The following IL16 variants were observed in gnomAD, a reference collection of about 807,000 sequenced individuals.
IL16 encodes the protein pro-interleukin-16.
IL16 carries 67 observed loss-of-function variants against 110.1 expected under a neutral mutation model. The ratio of observed to expected loss-of-function variants is 0.61; its 90% CI spans 0.50 to 0.75. The LOEUF (loss-of-function observed/expected upper bound fraction) is 0.75. IL16 is among the 30% of genes least tolerant of loss of function. The probability of loss-of-function intolerance (pLI) is 0.00; values close to 1 mark genes in which losing one functional copy is unlikely to be tolerated. For missense variants in IL16, 1,545 were observed against 1,655.0 expected, an observed-to-expected ratio of 0.93 and a Z score of 1.15; for synonymous variants, 689 against 662.9, an observed-to-expected ratio of 1.04 and a Z score of -0.61.
In IL16 at chr15:81,185,055, T is replaced by C. The variant is rs543292217; in HGVS notation, c.40+2159T>C. ...TGTCAGCAAGGAGGGGCTGGGCCTG[T>C]GGGAAGCAGAGGGAGGCTCTGCATA... On this transcript the variant is annotated intron_variant, in intron 1 of 18. Transcript: ENST00000302987. 5.3e-5 allele frequency among the ~76,000 whole-genome samples: 8 copies of C among 152,146 alleles called. No individual in the cohort carries two copies. In the South Asian group the frequency reaches 1.5e-3, roughly 28 times the overall value.
At chr15:81,280,153 A>G (rs1899108955) in intron 8 of IL16, among the ~76,000 whole-genome samples, 1 of 152,186 alleles carries the variant, frequency 6.6e-6, no homozygotes, top group Non-Finnish European at 1.5e-5. Flanking sequence ...CCTGTGGCAG[A>G]GAATTGAGGT....
intron 2 of IL16, among the ~76,000 whole-genome samples, chr15:81,234,776 C>A (rs1015361009): frequency 6.6e-6 from 1 of 150,540 alleles, no homozygotes; most frequent in African/African-American, 2.5e-5. Flanking sequence ...TGAAAGTACA[C>A]ATGAGATCTA....
intron 2 of IL16, among the ~76,000 whole-genome samples, chr15:81,237,197 G>T (rs1897204021): frequency 6.6e-6 from 1 of 152,094 alleles, no homozygotes; most frequent in Non-Finnish European, 1.5e-5. Flanking sequence ...CAGCTTCAGT[G>T]GAGCATCCGC....
chr15:81,190,855 T>C (rs1014922295), intron 1 of IL16, among the ~76,000 whole-genome samples: 2 of 152,188 alleles, frequency 1.3e-5, no homozygotes, highest in African/African-American at 2.4e-5. Flanking sequence ...AAGGGTACAG[T>C]GCTTCAGAAG....
At position 81,310,220 on chromosome 15, in the gene IL16, C is replaced by G. The variant is rs2141658300; in HGVS notation, c.*1422C>G. On this transcript the variant is annotated 3_prime_UTR_variant, in exon 19 of 19. Coordinates refer to ENST00000683961, the MANE Select transcript of IL16 (RefSeq NM_172217.5). ...AGATGAAACACAAACAATAGTAATT[C>G]TCAGGCCATCATCAGTGGAGCCATG... The G allele has an allele frequency of 6.6e-6, 1 of 152,358 alleles. No individual in the cohort carries two copies. The highest frequency in any genetic ancestry group is 2.1e-4 in the South Asian group (1 of 4,832). 9.4% of individuals were successfully genotyped at this position (152,358 alleles called of 1,614,324 possible).
At chr15:81,290,411 A>G (rs750986539) in intron 10 of IL16, 42 bp from the exon 11 acceptor site, 2 of 1,442,414 alleles carry the variant, frequency 1.4e-6, no homozygotes, top group South Asian at 2.4e-5. Flanking sequence ...CTGATGCAGG[A>G]GCTTCTACTG....
intron 2 of IL16, among the ~76,000 whole-genome samples, chr15:81,229,733 C>G (rs1332393108): frequency 6.6e-6 from 1 of 152,160 alleles, no homozygotes; most frequent in Non-Finnish European, 1.5e-5. Flanking sequence ...TCTCCCTTCT[C>G]ACAGGGACAC....
rs116140196 is a variant in IL16, at chr15:81,217,945, G to A, written c.-101-7354G>A. 8.8e-3 allele frequency among the ~76,000 whole-genome samples: 1,338 copies of A among 152,116 alleles called. 25 individuals are homozygous for A. Among genetic ancestry groups the A allele is most frequent in the African/African-American group, 0.031 (1,271 of 41,508 alleles). On this transcript the variant is annotated intron_variant, in intron 1 of 18. Coordinates refer to ENST00000683961, the MANE Select transcript of IL16 (RefSeq NM_172217.5). ...TTCTACATACTAGAAAACACTGCAG[G>A]AATTTCCATTAATGTCTGGAAAGAG...
chr15:81,280,253 A>G (rs2142295399), intron 8 of IL16, among the ~76,000 whole-genome samples: 1 of 152,244 alleles, frequency 6.6e-6, no homozygotes, highest in South Asian at 2.1e-4. Flanking sequence ...CCTGAATGCA[A>G]CCGAACTGAG....
chr15:81,278,325 T>C lies in IL16; in HGVS notation c.791-492T>C, dbSNP rs1043166892. ...AGGGTGACAAGTGCAGTAGGTACAG[T>C]GTGACATGAACATAGAAAGGAGCTA... On this transcript the variant is annotated intron_variant, in intron 6 of 18. Transcript: ENST00000683961. Among the ~76,000 whole-genome samples, 3 of 151,966 alleles carry C rather than the reference T, an allele frequency of 2.0e-5. 1 individual carries two copies. The highest frequency in any genetic ancestry group is 1.3e-4 in the Admixed American group (2 of 15,260).
At chr15:81,236,738 C>T (rs190898178) in intron 2 of IL16, among the ~76,000 whole-genome samples, 1 of 152,026 alleles carries the variant, frequency 6.6e-6, no homozygotes, top group African/African-American at 2.4e-5. Context: ...GGTGGATCAT[C>T]TGAGGTCAGG....
chr15:81,305,860 G>T, intron 16 of IL16, 48 bp from the exon 17 acceptor site: 1 of 1,599,432 alleles, frequency 6.3e-7, no homozygotes, highest in Non-Finnish European at 8.5e-7. Flanking sequence ...CAAGTATGTG[G>T]ACTGGACTTG....
chr15:81,285,895 G>T, intron 10 of IL16, 65 bp downstream of exon 10: 3 of 1,532,954 alleles, frequency 2.0e-6, no homozygotes, highest in South Asian at 2.3e-5. Flanking sequence ...ATTGGAACAA[G>T]AAATAGATGA....
chr15:81,231,257 G>T (rs1279119453), intron 2 of IL16, among the ~76,000 whole-genome samples: 3 of 151,160 alleles, frequency 2.0e-5, no homozygotes, highest in South Asian at 4.2e-4. Context: ...GGCAGGAAAG[G>T]AGAGGAGAGC....
At chr15:81,262,917 G>A (rs1048159156) in intron 3 of IL16, among the ~76,000 whole-genome samples, 1 of 152,210 alleles carries the variant, frequency 6.6e-6, no homozygotes, top group African/African-American at 2.4e-5. Context: ...GGCAACAAGA[G>A]TGAAACTCCA....
chr15:81,277,492 T>C (rs996486617), intron 6 of IL16, among the ~76,000 whole-genome samples: 2 of 151,928 alleles, frequency 1.3e-5, no homozygotes, highest in African/African-American at 2.4e-5. Context: ...TAGCCCAGGC[T>C]GGAGTGCAGT....
chr15:81,261,996 G>A (rs1434420042), intron 3 of IL16, among the ~76,000 whole-genome samples: 2 of 152,142 alleles, frequency 1.3e-5, no homozygotes, highest in East Asian at 1.9e-4. Context: ...AGCCTGGGAG[G>A]TTGAGGCTGC....
intron 1 of IL16, among the ~76,000 whole-genome samples, chr15:81,203,521 G>A (rs1444272324): frequency 6.6e-6 from 1 of 151,920 alleles, no homozygotes; most frequent in South Asian, 2.1e-4. Context: ...AAGGGATCCA[G>A]TTTCAGCTTT....
intron 4 of IL16, 75 bp downstream of exon 4, chr15:81,265,876 C>T: frequency 7.2e-7 from 1 of 1,383,340 alleles, no homozygotes; most frequent in Non-Finnish European, 9.8e-7. Context: ...TTAACAGTGG[C>T]TGAAGAGGCC....
Sources: gnomAD v4.1 joint callset for allele counts (sites outside exome capture counted in the v4.1 genomes callset) on GRCh38, gnomAD v4.1.1 for gene constraint, MANE v1.5 for transcripts, NCBI Gene and HGNC (gene_info 2026-07-23, HGNC 2026-07-21) for gene names.